PTPN13: variants seen among roughly 807,000 people sequenced by gnomAD.
PTPN13 encodes tyrosine-protein phosphatase non-receptor type 13.
PTPN13 carries 191 observed loss-of-function variants against 284.0 expected under a neutral mutation model. The observed-to-expected ratio is 0.67, with a 90% CI of 0.60 to 0.76. PTPN13 has a LOEUF of 0.76. Ranked by LOEUF, PTPN13 falls within the 30% of genes least tolerant of loss-of-function variation. The pLI, the probability that PTPN13 is intolerant of heterozygous loss-of-function variation, is 0.00. For synonymous variants in PTPN13, 986 were observed against 1,022.3 expected (o/e 0.96, Z 0.68); for missense variants, 2,797 against 2,939.9 (o/e 0.95, Z 1.12).
At chr4:86,780,874 A>C (rs529083428) in intron 36 of PTPN13, among the ~76,000 whole-genome samples, 35 of 152,368 alleles carry the variant, frequency 2.3e-4, no homozygotes, top group Admixed American at 2.0e-3. Flanking sequence ...TAAGAGAAAT[A>C]GTTCATACTG....
At chr4:86,750,184 C>G (rs1255524077) in intron 17 of PTPN13, among the ~76,000 whole-genome samples, 1 of 152,146 alleles carries the variant, frequency 6.6e-6, no homozygotes, top group Non-Finnish European at 1.5e-5. Context: ...TTGGTGTCAG[C>G]AAGCCTGAGC....
chr4:86,771,544 A>G lies in PTPN13; in HGVS notation c.5168+9A>G, dbSNP rs1415483479. 1 of 1,560,820 alleles carries G rather than the reference A, an allele frequency of 6.4e-7. No individual in the cohort carries two copies. The highest frequency in any genetic ancestry group is 8.7e-7 in the Non-Finnish European group (1 of 1,149,938). On this transcript the variant is annotated intron_variant, in intron 31 of 47. Coordinates refer to ENST00000411767, the MANE Select transcript of PTPN13 (RefSeq NM_080683.3). ...CCAGAGTTTGAGGACAGGTATCATCAATATAATGTGAACCGCTCAAAGCAA... is the reference window on the plus strand; with the variant it reads ...CCAGAGTTTGAGGACAGGTATCATCGATATAATGTGAACCGCTCAAAGCAA...
Position 86,769,935 on chromosome 4 carries a change from T to A in PTPN13, c.4656T>A (p.Asp1552Glu). The A allele has an allele frequency of 1.2e-6, 2 of 1,613,940 alleles. No homozygotes were observed. Among genetic ancestry groups the A allele is most frequent in the Non-Finnish European group, 1.7e-6 (2 of 1,179,866 alleles). The stretch of plus-strand genomic sequence containing the variant: ...AAAGTGGAAAAATTGATGTAGGAGA[T>A]GTTATCTTGAAAGTGAATGGAGCCT... ...AAESGKIDVG[D>E]VILKVNGASL... is the part of the protein sequence containing the mutation. Residue 1552 changes from aspartate (D) to glutamate (E), a missense_variant, in exon 29 of 48, where the codon GAT (aspartate) becomes GAA (glutamate). Coordinates refer to ENST00000411767, the MANE Select transcript of PTPN13 (RefSeq NM_080683.3).
At chr4:86,694,570 C>A (rs1730392932) in intron 6 of PTPN13, among the ~76,000 whole-genome samples, 1 of 96,848 alleles carries the variant, frequency 1.0e-5, no homozygotes. Flanking sequence ...AAAGAGTGAA[C>A]TTCTGTCTCA....
intron 47 of PTPN13, among the ~76,000 whole-genome samples, 188 bp from the exon 48 acceptor site, chr4:86,814,268 G>A (rs570448888): frequency 3.3e-5 from 5 of 151,762 alleles, no homozygotes; most frequent in African/African-American, 1.2e-4. Context: ...GCCTCCTCAA[G>A]TGCTGGGATT....
At chr4:86,633,239 T>G (rs994308596) in intron 1 of PTPN13, among the ~76,000 whole-genome samples, 1 of 152,202 alleles carries the variant, frequency 6.6e-6, no homozygotes, top group African/African-American at 2.4e-5. Context: ...TGTGTGGCCG[T>G]GCTTCCTTGC....
chr4:86,735,246 C>G (rs966661562), intron 14 of PTPN13, among the ~76,000 whole-genome samples: 1 of 152,128 alleles, frequency 6.6e-6, no homozygotes, highest in Non-Finnish European at 1.5e-5. Context: ...GGAGAACTCA[C>G]AGTATACTTA....
chr4:86,701,892 C>T, intron 7 of PTPN13, 91 bp downstream of exon 7: 1 of 1,254,790 alleles, frequency 8.0e-7, no homozygotes, highest in Non-Finnish European at 1.1e-6. Flanking sequence ...TTCCACAAGT[C>T]TTATTTTCAC....
intron 15 of PTPN13, among the ~76,000 whole-genome samples, chr4:86,737,620 C>T (rs566760169): frequency 6.6e-6 from 1 of 151,648 alleles, no homozygotes; most frequent in Non-Finnish European, 1.5e-5. Context: ...ACCTGTAATC[C>T]TTAGCAACTA....
chr4:86,738,074 GTTTCT>G (rs1045338395), intron 15 of PTPN13, among the ~76,000 whole-genome samples: 3 of 151,724 alleles, frequency 2.0e-5, no homozygotes, highest in African/African-American at 4.8e-5. Context: ...TATATCAGTA[GTTTCT>G]TTTCTTTTTT....
intron 7 of PTPN13, among the ~76,000 whole-genome samples, chr4:86,711,207 A>G (rs1231672760): frequency 6.7e-6 from 1 of 149,838 alleles, no homozygotes; most frequent in Non-Finnish European, 1.5e-5. Context: ...GCCTATAAAT[A>G]GGTAGGTAGG....
intron 25 of PTPN13, 29 bp from the exon 26 acceptor site, chr4:86,765,366 A>G (rs1425687289): frequency 5.8e-6 from 9 of 1,539,448 alleles, no homozygotes; most frequent in South Asian, 2.4e-5. Context: ...TTCATGTTAT[A>G]AAATATTATT....
At chr4:86,653,461 T>G (rs1182165647) in intron 2 of PTPN13, among the ~76,000 whole-genome samples, 1 of 151,794 alleles carries the variant, frequency 6.6e-6, no homozygotes, top group Non-Finnish European at 1.5e-5. Context: ...ATTTCAGCAC[T>G]AGGGGGCGCC....
intron 3 of PTPN13, among the ~76,000 whole-genome samples, chr4:86,672,947 G>A (rs1462111774): frequency 6.6e-6 from 1 of 152,150 alleles, no homozygotes; most frequent in African/African-American, 2.4e-5. Context: ...GGGTGGTGGG[G>A]GAATGGTTTT....
chr4:86,698,203 T>C (rs190304037), intron 6 of PTPN13, among the ~76,000 whole-genome samples: 69 of 151,842 alleles, frequency 4.5e-4, no homozygotes, highest in African/African-American at 1.6e-3. Context: ...TTGGATTTGA[T>C]ATGGGGATTA....
intron 1 of PTPN13, among the ~76,000 whole-genome samples, chr4:86,633,229 TGTGTGGCC>T (rs1722649939): frequency 6.6e-6 from 1 of 152,190 alleles, no homozygotes; most frequent in South Asian, 2.1e-4. Context: ...GCTGGCCCTC[TGTGTGGCC>T]GTGCTTCCTT....
intron 3 of PTPN13, among the ~76,000 whole-genome samples, chr4:86,677,474 C>T (rs1429312114): frequency 6.6e-6 from 1 of 151,464 alleles, no homozygotes; most frequent in African/African-American, 2.4e-5. Context: ...GCCACCACAC[C>T]CAGCTAAGTT....
At position 86,772,795 on chromosome 4, in the gene PTPN13, C is replaced by T. The variant is rs1358177002; in HGVS notation, c.5186C>T (p.Pro1729Leu). ...EFEDSNPSPL[P>L]PDMAPGQSYQ... ...CTCTGTAGTAATCCTTCCCCTCTACCACCGGATATGGCTCCTGGGCAGAGT... is the reference window on the plus strand; with the variant it reads ...CTCTGTAGTAATCCTTCCCCTCTACTACCGGATATGGCTCCTGGGCAGAGT... Residue 1729 changes from proline to leucine, a missense_variant, in exon 32 of 48, where the codon CCA (proline) becomes CTA (leucine). By Grantham distance (98) the Pro-to-Leu change is moderately conservative (BLOSUM62 -3). Coordinates refer to ENST00000411767, the MANE Select transcript of PTPN13 (RefSeq NM_080683.3). The T allele has an allele frequency of 3.1e-6, 5 of 1,604,500 alleles. 1 individual carries two copies. The South Asian group carries it at 5.6e-5, about 18-fold the overall frequency.
intron 10 of PTPN13, among the ~76,000 whole-genome samples, chr4:86,728,656 T>TTTTTATTTATTTA: frequency 9.8e-6 from 1 of 102,292 alleles, no homozygotes; most frequent in African/African-American, 3.8e-5. Flanking sequence ...TTTTTTTTTT[T>TTTTTATTTATTTA]TTTTTTTTTT....
Sources: gnomAD v4.1 joint callset for allele counts (sites outside exome capture counted in the v4.1 genomes callset) on GRCh38, gnomAD v4.1.1 for gene constraint, MANE v1.5 for transcripts, NCBI Gene and HGNC (gene_info 2026-07-23, HGNC 2026-07-21) for gene names.